UBE2D3: variants seen among roughly 807,000 people sequenced by gnomAD.
The protein encoded by UBE2D3 is ubiquitin-conjugating enzyme E2 D3.
UBE2D3 carries 2 observed loss-of-function variants against 22.8 expected under a neutral mutation model. The observed-to-expected ratio is 0.09, with a 90% CI of 0.04 to 0.28. The LOEUF (loss-of-function observed/expected upper bound fraction) is 0.28, where lower values mean the gene tolerates loss of function less well. Among genes scored for constraint, UBE2D3 ranks in the 10% least tolerant of loss-of-function variants. UBE2D3 has a pLI of 1.00. For missense variants in UBE2D3, 27 were observed against 182.5 expected, an observed-to-expected ratio of 0.15 and a Z score of 4.91; for synonymous variants, 56 against 60.4, an observed-to-expected ratio of 0.93 and a Z score of 0.34.
At chr4:102,838,807 CA>C (rs145975514) in intron 1 of UBE2D3, among the ~76,000 whole-genome samples, 11,035 of 54,740 alleles carry the variant, frequency 0.2, 228 homozygotes, top group Admixed American at 0.26. Flanking sequence ...CTGTGCTGGG[CA>C]AAAAAAAAAA....
chr4:102,822,993 CCTAT>C (rs1411051620), intron 2 of UBE2D3, among the ~76,000 whole-genome samples: 2 of 152,108 alleles, frequency 1.3e-5, no homozygotes, highest in Non-Finnish European at 2.9e-5. Context: ...GCTTTTGGTG[CCTAT>C]CTGATTTGAA....
intron 1 of UBE2D3, among the ~76,000 whole-genome samples, chr4:102,866,683 C>T (rs76084986): frequency 1.3e-5 from 2 of 152,156 alleles, no homozygotes; most frequent in African/African-American, 4.8e-5. Flanking sequence ...TAAAAAAATT[C>T]TTTCCTTTTC....
upstream of UBE2D3, among the ~76,000 whole-genome samples, chr4:102,828,385 G>A (rs1730901626): frequency 6.6e-6 from 1 of 152,080 alleles, no homozygotes; most frequent in Non-Finnish European, 1.5e-5. Context: ...CCCTCGAGAT[G>A]GGAATAGTAG....
intron 1 of UBE2D3, among the ~76,000 whole-genome samples, chr4:102,861,044 T>C (rs1035246385): frequency 6.6e-6 from 1 of 151,926 alleles, no homozygotes; most frequent in Admixed American, 6.6e-5. Flanking sequence ...GAAGAGTCCC[T>C]CAGTATTCTG....
At chr4:102,868,785 T>C (rs1733312542) in exon 1 of UBE2D3, 1 of 1,613,788 alleles carries the variant, frequency 6.2e-7, no homozygotes, top group Non-Finnish European at 8.5e-7. Context: ...TCCTTTCTGC[T>C]GGTCTCCAGC....
At chr4:102,842,573 T>G (rs541375503) in intron 1 of UBE2D3, among the ~76,000 whole-genome samples, 2 of 151,236 alleles carry the variant, frequency 1.3e-5, no homozygotes, top group East Asian at 3.9e-4. Flanking sequence ...AACCTCGAGT[T>G]TCACTTCTGA....
At position 102,821,794 on chromosome 4, in the gene UBE2D3, A is replaced by G. The variant is rs547585012; in HGVS notation, c.24+4691T>C. Among the ~76,000 whole-genome samples, 12 of 152,306 alleles carry G rather than the reference A, an allele frequency of 7.9e-5. No homozygotes were observed. In the South Asian group the frequency reaches 1.9e-3, roughly 24 times the overall value. Reference sequence around the variant, plus strand: ...TATATACACCAACTATGTACCCACAAAATTTTTTTAAAAACTCCAAATGTT... The same window carrying G: ...TATATACACCAACTATGTACCCACAGAATTTTTTTAAAAACTCCAAATGTT... On this transcript the variant is annotated intron_variant, in intron 2 of 7. Coordinates refer to ENST00000453744, the MANE Select transcript of UBE2D3 (RefSeq NM_181891.3).
At chr4:102,868,854 G>C in exon 1 of UBE2D3, 1 of 1,534,728 alleles carries the variant, frequency 6.5e-7, no homozygotes, top group Non-Finnish European at 8.9e-7. Flanking sequence ...TCCGAGGAGG[G>C]CCTCGCTACC....
Position 102,868,800 on chromosome 4 carries a change from A to G in UBE2D3, c.-214T>C, listed in dbSNP as rs539182072. The G allele has an allele frequency of 2.4e-5, 39 of 1,613,116 alleles. No individual in the cohort carries two copies. The South Asian group carries it at 3.6e-4, about 15-fold the overall frequency. Reference sequence around the variant, plus strand: ...TCCTTTCTGCTGGTCTCCAGCATCTACAGACGTTAAAGGCCCAAGAGGAGG... The same window carrying G: ...TCCTTTCTGCTGGTCTCCAGCATCTGCAGACGTTAAAGGCCCAAGAGGAGG... On this transcript the variant is annotated 5_prime_UTR_variant, in exon 1 of 8. Transcript: ENST00000338145.
intron 1 of UBE2D3, among the ~76,000 whole-genome samples, chr4:102,833,466 T>A (rs1324662961): frequency 3.3e-5 from 5 of 152,204 alleles, no homozygotes; most frequent in African/African-American, 1.2e-4. Flanking sequence ...GTACTTAGTA[T>A]AAGTGGGTAT....
rs10526258 is a variant in UBE2D3 at position 102,798,279 on chromosome 4, A to AATATATATAT, written c.399-829_399-820dup. The stretch of plus-strand genomic sequence containing the variant: ...AAAACAGTGATAACCTTAAGAAATG[A>AATATATATAT]ATATATATATATATATATGCACAGG... On this transcript the variant is annotated intron_variant, in intron 7 of 7. Coordinates refer to ENST00000453744, the MANE Select transcript of UBE2D3 (RefSeq NM_181891.3). Among the ~76,000 whole-genome samples, 717 of 111,856 alleles carry AATATATATAT rather than the reference A, an allele frequency of 6.4e-3. 53 individuals carry two copies. The highest frequency in any genetic ancestry group is 0.037 in the East Asian group (157 of 4,242). The allele number at this position is 111,856 out of a possible 152,430, so 73.4% of individuals were successfully genotyped here.
At chr4:102,851,348 A>C (rs1048573451) in intron 1 of UBE2D3, among the ~76,000 whole-genome samples, 1 of 152,234 alleles carries the variant, frequency 6.6e-6, no homozygotes, top group Non-Finnish European at 1.5e-5. Context: ...GGAACACTGC[A>C]CTGAGACCAC....
At chr4:102,825,480 T>G in intron 2 of UBE2D3, 1 of 1,154,220 alleles carries the variant, frequency 8.7e-7, no homozygotes, top group Non-Finnish European at 1.1e-6. Flanking sequence ...TAATTCACAT[T>G]ATTACGAAAG....
chr4:102,800,911 T>A (rs1726052770), intron 6 of UBE2D3, among the ~76,000 whole-genome samples: 1 of 152,066 alleles, frequency 6.6e-6, no homozygotes, highest in Admixed American at 6.6e-5. Flanking sequence ...ACGTAACAGA[T>A]ACCTATTAAG....
At chr4:102,798,055 A>G (rs540205284) in intron 7 of UBE2D3, among the ~76,000 whole-genome samples, 2 of 151,750 alleles carry the variant, frequency 1.3e-5, no homozygotes, top group South Asian at 4.2e-4. Context: ...ATCACGTGTT[A>G]CTTTTAATAA....
intron 1 of UBE2D3, among the ~76,000 whole-genome samples, chr4:102,845,419 G>A (rs1430024776): frequency 6.6e-6 from 1 of 152,116 alleles, no homozygotes; most frequent in African/African-American, 2.4e-5. Flanking sequence ...TGTGGCCTGG[G>A]CTTTAGAATC....
At chr4:102,807,295 T>G (rs182750931) in intron 4 of UBE2D3, among the ~76,000 whole-genome samples, 19 of 152,296 alleles carry the variant, frequency 1.2e-4, no homozygotes, top group Admixed American at 2.6e-4. Flanking sequence ...CACAAAGAAG[T>G]ATTGAGAAGC....
chr4:102,868,682 G>GC (rs781755078), intron 1 of UBE2D3: 398 of 1,613,868 alleles, frequency 2.5e-4, no homozygotes, highest in Middle Eastern at 1.2e-3. Context: ...GGCGGGGCGA[G>GC]AGGGGACGAA....
chr4:102,804,952 T>C (rs996931484), intron 4 of UBE2D3, among the ~76,000 whole-genome samples: 3 of 152,198 alleles, frequency 2.0e-5, no homozygotes, highest in Admixed American at 2.0e-4. Flanking sequence ...CCCAAAGTGT[T>C]GGGATTACAG....
Sources: allele counts gnomAD v4.1 joint callset (sites outside exome capture counted in the v4.1 genomes callset), GRCh38; gene constraint gnomAD v4.1.1; transcripts MANE v1.5; gene names NCBI Gene and HGNC (gene_info 2026-07-23, HGNC 2026-07-21).